The following TAB2 variants were observed in gnomAD, a reference collection of about 807,000 sequenced individuals.
TAB2 encodes the protein TGF-beta activated kinase 1 (MAP3K7) binding protein 2.
A neutral mutation model predicts 65.0 loss-of-function variants in TAB2; 3 were observed. The observed-to-expected ratio is 0.05, with a 90% CI of 0.02 to 0.12. TAB2 has a LOEUF of 0.12. Ranked by LOEUF, TAB2 falls within the 10% of genes least tolerant of loss-of-function variation. The probability of loss-of-function intolerance (pLI) is 1.00; values close to 1 mark genes in which losing one functional copy is unlikely to be tolerated. For missense variants in TAB2, 623 were observed against 840.3 expected, an observed-to-expected ratio of 0.74 and a Z score of 3.20; for synonymous variants, 298 against 285.1, an observed-to-expected ratio of 1.05 and a Z score of -0.46.
chr6:149,228,314 C>T (rs1777327299), intron 1 of TAB2, among the ~76,000 whole-genome samples: 2 of 152,162 alleles, frequency 1.3e-5, no homozygotes, highest in South Asian at 2.1e-4. Context: ...TCTGGCCCCA[C>T]GTGTTGAAAG....
intron 1 of TAB2, among the ~76,000 whole-genome samples, chr6:149,360,669 T>TG (rs1780814913): frequency 6.6e-6 from 1 of 152,168 alleles, no homozygotes; most frequent in Middle Eastern, 3.2e-3. Context: ...CATTTCAAAA[T>TG]ATAATCATTC....
At chr6:149,379,966 A>G (rs1392240720) in intron 3 of TAB2, 1 of 451,084 alleles carries the variant, frequency 2.2e-6, no homozygotes, top group Non-Finnish European at 4.5e-6. Context: ...TTGGCTGGGC[A>G]TGGTGGCTCA....
intron 1 of TAB2, among the ~76,000 whole-genome samples, chr6:149,268,426 G>A (rs1227212340): frequency 1.3e-5 from 2 of 152,188 alleles, no homozygotes; most frequent in Non-Finnish European, 2.9e-5. Context: ...TACAGAAGAG[G>A]TGAGAATGAA....
intron 1 of TAB2, among the ~76,000 whole-genome samples, chr6:149,272,174 TA>T (rs1778376268): frequency 6.6e-6 from 1 of 152,216 alleles, no homozygotes; most frequent in Non-Finnish European, 1.5e-5. Flanking sequence ...AAAACCACTT[TA>T]AAAAATTAGA....
chr6:149,251,757 G>A (rs868058740), intron 1 of TAB2, among the ~76,000 whole-genome samples: 3 of 152,178 alleles, frequency 2.0e-5, no homozygotes, highest in South Asian at 2.1e-4. Flanking sequence ...ACTTGTGTCC[G>A]ATCCAAAAAG....
intron 1 of TAB2, among the ~76,000 whole-genome samples, chr6:149,337,602 T>G (rs1350847405): frequency 6.6e-6 from 1 of 152,228 alleles, no homozygotes; most frequent in Non-Finnish European, 1.5e-5. Context: ...CAAACTCTTC[T>G]TAGCTCACAA....
chr6:149,364,292 C>T (rs1234955658), intron 1 of TAB2, among the ~76,000 whole-genome samples: 1 of 152,112 alleles, frequency 6.6e-6, no homozygotes, highest in Non-Finnish European at 1.5e-5. Flanking sequence ...GATAAAATCC[C>T]CAAATGTTAA....
intron 1 of TAB2, chr6:149,247,314 C>T (rs1162480717): frequency 6.6e-6 from 1 of 152,314 alleles, no homozygotes; most frequent in Non-Finnish European, 1.5e-5. Flanking sequence ...AGACACTGTT[C>T]CAAGAGTTTC....
At chr6:149,218,378 T>G (rs1358323727), upstream of TAB2, among the ~76,000 whole-genome samples, 1 of 152,184 alleles carries the variant, frequency 6.6e-6, no homozygotes, top group African/African-American at 2.4e-5. Flanking sequence ...AAAAAAAGAT[T>G]TATTAAAAGG....
intron 1 of TAB2, among the ~76,000 whole-genome samples, chr6:149,357,992 C>G (rs556745788): frequency 6.6e-6 from 1 of 152,212 alleles, no homozygotes; most frequent in East Asian, 1.9e-4. Context: ...TGAGCCATCA[C>G]GCCCGGCCTT....
At position 149,274,232 on chromosome 6, in the gene TAB2, G is replaced by A. The variant is rs541972510; in HGVS notation, c.-121+55456G>A. Among the ~76,000 whole-genome samples, 5 of 152,292 alleles carry A rather than the reference G, an allele frequency of 3.3e-5. No homozygotes were observed. The South Asian group carries it at 6.2e-4, about 19-fold the overall frequency. The stretch of plus-strand genomic sequence containing the variant: ...TGGTCTTGCCCTCAGTCACCCAAAG[G>A]CCTCACAGGAGCAACTGACCCGGTT... On this transcript the variant is annotated intron_variant, in intron 1 of 1. Coordinates refer to the TAB2 transcript ENST00000606202.
In TAB2 at chr6:149,329,570, C is replaced by T. The variant is rs954021569; in HGVS notation, c.-90+11555C>T. ...TGATTAGATAACATTTGAGCAGGTA[C>T]ATGAATGAAAATAGAGGCAGTAGCA... On this transcript the variant is annotated intron_variant, in intron 1 of 6. Coordinates refer to ENST00000637181, the MANE Select transcript of TAB2 (RefSeq NM_001292034.3). 4.8e-5 allele frequency among the ~76,000 whole-genome samples: 7 copies of T among 146,988 alleles called. No individual in the cohort carries two copies. In the Admixed American group the frequency reaches 5.0e-4, roughly 11 times the overall value.
intron 1 of TAB2, among the ~76,000 whole-genome samples, chr6:149,240,819 T>C (rs1327379272): frequency 3.3e-5 from 5 of 152,190 alleles, no homozygotes; most frequent in African/African-American, 4.8e-5. Flanking sequence ...TATAAATATG[T>C]AGAGCTACAA....
In TAB2 at chr6:149,410,634, G is replaced by C. The variant is rs753057277; in HGVS notation, c.*915G>C. The stretch of plus-strand genomic sequence containing the variant: ...CAATGTTGTGTGAAGACAGGCAGAT[G>C]CTGCACAGTGAATTGCAGATGATAT... On this transcript the variant is annotated 3_prime_UTR_variant, in exon 7 of 7. Coordinates refer to ENST00000637181, the MANE Select transcript of TAB2 (RefSeq NM_001292034.3). The C allele has an allele frequency of 4.6e-5, 7 of 152,628 alleles. No homozygotes were observed. Among genetic ancestry groups the C allele is most frequent in the Non-Finnish European group, 8.8e-5 (6 of 68,046 alleles). The allele number at this position is 152,628 out of a possible 1,614,324, so 9.5% of individuals were successfully genotyped here.
intron 1 of TAB2, among the ~76,000 whole-genome samples, chr6:149,260,358 T>C (rs1778126615): frequency 6.6e-6 from 1 of 152,210 alleles, no homozygotes; most frequent in Non-Finnish European, 1.5e-5. Context: ...AGCGCAGCCT[T>C]CTCAGGGTTC....
intron 1 of TAB2, among the ~76,000 whole-genome samples, chr6:149,248,524 C>T (rs746093788): frequency 1.3e-5 from 2 of 151,620 alleles, no homozygotes; most frequent in Non-Finnish European, 2.9e-5. Context: ...GAAAAGCATT[C>T]TACACATTTA....
intron 1 of TAB2, among the ~76,000 whole-genome samples, chr6:149,292,055 C>T (rs1583068426): frequency 6.6e-6 from 1 of 151,948 alleles, no homozygotes; most frequent in South Asian, 2.1e-4. Context: ...AGCAACATAC[C>T]AATGAACATT....
chr6:149,390,002 G>T (rs1208411238), intron 3 of TAB2, among the ~76,000 whole-genome samples: 2 of 152,136 alleles, frequency 1.3e-5, no homozygotes, highest in African/African-American at 4.8e-5. Context: ...CCCAATTGCA[G>T]CACTGTTACA....
At chr6:149,349,405 G>A (rs971568112) in intron 1 of TAB2, among the ~76,000 whole-genome samples, 1 of 144,044 alleles carries the variant, frequency 6.9e-6, no homozygotes, top group Non-Finnish European at 1.5e-5. Context: ...GGGCAACAGA[G>A]TGACACTCCG....
Sources: gnomAD v4.1 joint callset for allele counts (sites outside exome capture counted in the v4.1 genomes callset) on GRCh38, gnomAD v4.1.1 for gene constraint, MANE v1.5 for transcripts, NCBI Gene and HGNC (gene_info 2026-07-23, HGNC 2026-07-21) for gene names.